The following SH3RF3 variants were observed in gnomAD, a reference collection of about 807,000 sequenced individuals.
SH3RF3 encodes the protein E3 ubiquitin-protein ligase SH3RF3.
Under a neutral mutation model 66.3 loss-of-function variants are expected in SH3RF3, and 29 were observed. That is an observed-to-expected ratio of 0.44 (90% CI 0.33 to 0.60). The LOEUF is 0.60. Ranked by LOEUF, SH3RF3 falls within the 20% of genes least tolerant of loss-of-function variation. SH3RF3 has a pLI of 0.04. For synonymous variants in SH3RF3, 583 were observed against 532.0 expected (o/e 1.10, Z -1.32); for missense variants, 1,194 against 1,190.9 (o/e 1.00, Z -0.04).
intron 5 of SH3RF3, among the ~76,000 whole-genome samples, chr2:109,426,353 T>C: frequency 6.6e-6 from 1 of 152,214 alleles, no homozygotes; most frequent in Admixed American, 6.5e-5. Flanking sequence ...GAGGTCAAAA[T>C]ATCAACATTA....
rs552219367 is a variant in SH3RF3, at chr2:109,435,813, G to A, written c.1575-1080G>A. On this transcript the variant is annotated intron_variant, in intron 6 of 9. Transcript: ENST00000309415. ...TCGGGGAAAAGTGAGCTCAACAGAT[G>A]ATAGAAAATGGGATTTTTAAATTCA... Among the ~76,000 whole-genome samples the A allele has an allele frequency of 2.6e-4, 40 of 152,340 alleles. 1 individual carries two copies. Among genetic ancestry groups the A allele is most frequent in the South Asian group, 2.1e-3 (10 of 4,830 alleles).
intron 2 of SH3RF3, among the ~76,000 whole-genome samples, chr2:109,362,997 GTTTTA>G (rs986384969): frequency 1.3e-5 from 2 of 152,048 alleles, no homozygotes; most frequent in Non-Finnish European, 2.9e-5. Flanking sequence ...GTTGTATCTT[GTTTTA>G]TTTTATCAAC....
intron 1 of SH3RF3, among the ~76,000 whole-genome samples, chr2:109,340,201 C>T (rs1032671178): frequency 1.3e-5 from 2 of 152,138 alleles, no homozygotes; most frequent in Non-Finnish European, 2.9e-5. Context: ...TCCTGTCTCT[C>T]GGACCTTGGA....
At chr2:109,336,971 G>C (rs1235501229) in intron 1 of SH3RF3, among the ~76,000 whole-genome samples, 2 of 152,214 alleles carry the variant, frequency 1.3e-5, no homozygotes, top group African/African-American at 4.8e-5. Context: ...TGCAGAATTA[G>C]TGTAAAGCAG....
intron 1 of SH3RF3, among the ~76,000 whole-genome samples, chr2:109,211,862 CA>C (rs1678989905): frequency 1.3e-5 from 2 of 152,148 alleles, no homozygotes; most frequent in Non-Finnish European, 2.9e-5. Flanking sequence ...AGGCTGGTTT[CA>C]AACTCTGGAC....
At chr2:109,440,585 A>G (rs1454417281) in intron 7 of SH3RF3, among the ~76,000 whole-genome samples, 1 of 152,248 alleles carries the variant, frequency 6.6e-6, no homozygotes, top group Non-Finnish European at 1.5e-5. Flanking sequence ...AAACAAATTT[A>G]AAAAGCCAAG....
intron 1 of SH3RF3, among the ~76,000 whole-genome samples, chr2:109,338,619 A>G (rs1351953838): frequency 6.6e-6 from 1 of 152,182 alleles, no homozygotes; most frequent in African/African-American, 2.4e-5. Context: ...ATGCAGTGGT[A>G]CGATCTTGGC....
chr2:109,495,014 C>T (rs1035384329), intron 9 of SH3RF3, among the ~76,000 whole-genome samples: 5 of 151,916 alleles, frequency 3.3e-5, no homozygotes, highest in Non-Finnish European at 2.9e-5. Flanking sequence ...GCCCCAGCAG[C>T]TGGCAGGCAG....
At chr2:109,306,698 A>G (rs1681606383) in intron 1 of SH3RF3, among the ~76,000 whole-genome samples, 1 of 152,226 alleles carries the variant, frequency 6.6e-6, no homozygotes, top group Admixed American at 6.5e-5. Flanking sequence ...TACTGAAGAC[A>G]ACTCCAACCT....
chr2:109,257,284 T>G (rs559542817), intron 1 of SH3RF3, among the ~76,000 whole-genome samples: 1 of 152,114 alleles, frequency 6.6e-6, no homozygotes, highest in South Asian at 2.1e-4. Flanking sequence ...GTCAGCTGTT[T>G]CTGCTTTTAA....
intron 9 of SH3RF3, among the ~76,000 whole-genome samples, chr2:109,493,035 CACAT>C (rs1314382301): frequency 1.3e-5 from 2 of 151,998 alleles, no homozygotes; most frequent in African/African-American, 2.4e-5. Flanking sequence ...ACCATACAAA[CACAT>C]ACCCCACATA....
At chr2:109,221,160 G>A (rs1679227790) in intron 1 of SH3RF3, among the ~76,000 whole-genome samples, 1 of 152,202 alleles carries the variant, frequency 6.6e-6, no homozygotes, top group Non-Finnish European at 1.5e-5. Context: ...TACAAGTCAT[G>A]CACAGAGGAA....
At chr2:109,392,811 G>A (rs906369886) in intron 3 of SH3RF3, among the ~76,000 whole-genome samples, 14 of 152,110 alleles carry the variant, frequency 9.2e-5, no homozygotes, top group African/African-American at 3.1e-4. Flanking sequence ...CACCACGCAC[G>A]GCCCCCTGGC....
chr2:109,244,333 A>G (rs1679859874), intron 1 of SH3RF3, among the ~76,000 whole-genome samples: 1 of 152,150 alleles, frequency 6.6e-6, no homozygotes, highest in African/African-American at 2.4e-5. Flanking sequence ...AGCAGGTGAG[A>G]AAAGTGACAC....
intron 1 of SH3RF3, among the ~76,000 whole-genome samples, chr2:109,243,143 A>G (rs536374245): frequency 1.1e-4 from 17 of 152,210 alleles, no homozygotes; most frequent in East Asian, 3.8e-4. Context: ...GGAGCAGGCT[A>G]TTGCCTTGTG....
intron 1 of SH3RF3, among the ~76,000 whole-genome samples, chr2:109,311,908 T>C (rs1681734844): frequency 6.6e-6 from 1 of 152,172 alleles, no homozygotes; most frequent in Non-Finnish European, 1.5e-5. Context: ...TTTTCTTCCA[T>C]GCCCTGCCAG....
Position 109,449,226 on chromosome 2 carries a change from C to G in SH3RF3, c.1885C>G (p.Arg629Gly), listed in dbSNP as rs765867278. The G allele has an allele frequency of 2.5e-6, 4 of 1,613,462 alleles. No homozygotes were observed. The highest frequency in any genetic ancestry group is 3.4e-6 in the Non-Finnish European group (4 of 1,179,744). The change falls in exon 8 of 10, where the codon CGC becomes GGC. Residue 629 changes from arginine to glycine, a missense_variant. By Grantham distance (125) the Arg-to-Gly change is moderately radical. Transcript: ENST00000309415. ...GCCAACTGCCACCGTGTCACCCCTG[C>G]GCACCCAGAACTCTCCATCCCGCCT... is the stretch of plus-strand genomic sequence containing the variant. ...DRPTATVSPL[R>G]TQNSPSRLPA...
chr2:109,149,230 C>T (rs901145197), intron 1 of SH3RF3, among the ~76,000 whole-genome samples: 2 of 152,270 alleles, frequency 1.3e-5, no homozygotes, highest in South Asian at 4.1e-4. Context: ...TTTATTCGGA[C>T]TTCTCTAGTC....
At chr2:109,221,455 C>T (rs1179390368) in intron 1 of SH3RF3, among the ~76,000 whole-genome samples, 1 of 152,056 alleles carries the variant, frequency 6.6e-6, no homozygotes, top group Non-Finnish European at 1.5e-5. Flanking sequence ...TGGTGGTGCA[C>T]GCCTGTAATC....
Sources: allele counts gnomAD v4.1 joint callset (sites outside exome capture counted in the v4.1 genomes callset), GRCh38; gene constraint gnomAD v4.1.1; transcripts MANE v1.5; gene names NCBI Gene and HGNC (gene_info 2026-07-23, HGNC 2026-07-21).